The following PIK3R3 variants were observed in gnomAD, a reference collection of about 807,000 sequenced individuals.
The protein encoded by PIK3R3 is phosphoinositide-3-kinase regulatory subunit 3.
Under a neutral mutation model 62.9 loss-of-function variants are expected in PIK3R3, and 64 were observed. That is an observed-to-expected ratio of 1.02 (90% CI 0.83 to 1.25). The LOEUF (loss-of-function observed/expected upper bound fraction) is 1.25. Among genes scored for constraint, PIK3R3 ranks in the 50% most tolerant of loss-of-function variants. The pLI is 0.00. For missense variants in PIK3R3, 614 were observed against 561.6 expected, an observed-to-expected ratio of 1.09 and a Z score of -0.94; for synonymous variants, 165 against 189.0, an observed-to-expected ratio of 0.87 and a Z score of 1.04.
chr1:46,121,396 G>A (rs1654660971), intron 1 of PIK3R3, among the ~76,000 whole-genome samples: 1 of 152,118 alleles, frequency 6.6e-6, no homozygotes, highest in African/African-American at 2.4e-5. Flanking sequence ...AGAATCTAAA[G>A]CAATATATTT....
chr1:46,089,146 C>G (rs1453007031), intron 1 of PIK3R3, among the ~76,000 whole-genome samples: 1 of 152,114 alleles, frequency 6.6e-6, no homozygotes, highest in African/African-American at 2.4e-5. Flanking sequence ...AAGAAATAAA[C>G]TAGGAAACCA....
intron 1 of PIK3R3, among the ~76,000 whole-genome samples, chr1:46,086,426 C>T (rs976158772): frequency 2.0e-5 from 3 of 152,114 alleles, no homozygotes; most frequent in South Asian, 2.1e-4. Flanking sequence ...TGTGAATAGC[C>T]ACTGCACTCC....
intron 1 of PIK3R3, among the ~76,000 whole-genome samples, chr1:46,086,526 CCT>C (rs914769863): frequency 2.0e-5 from 3 of 152,042 alleles, no homozygotes; most frequent in African/African-American, 7.2e-5. Context: ...ACGGTGAAAC[CCT>C]GTCTCTACTA....
intron 1 of PIK3R3, among the ~76,000 whole-genome samples, chr1:46,116,202 C>A (rs1654173089): frequency 6.6e-6 from 1 of 151,956 alleles, no homozygotes; most frequent in South Asian, 2.1e-4. Flanking sequence ...ACAAAGCATC[C>A]CAGTTTTATC....
At chr1:46,106,272 T>G (rs913274667) in intron 1 of PIK3R3, among the ~76,000 whole-genome samples, 24 of 151,432 alleles carry the variant, frequency 1.6e-4, no homozygotes, top group Non-Finnish European at 2.9e-4. Flanking sequence ...CCAGCTAATT[T>G]TGTGTGTGTG....
intron 2 of PIK3R3, among the ~76,000 whole-genome samples, chr1:46,080,418 G>T (rs116669089): frequency 6.7e-6 from 1 of 148,868 alleles, no homozygotes; most frequent in Admixed American, 6.7e-5. Context: ...CTTTTTTTTT[G>T]AGAGTTGGGG....
the PIK3R3 span, among the ~76,000 whole-genome samples, chr1:46,162,831 T>C: frequency 6.6e-6 from 1 of 152,108 alleles, no homozygotes; most frequent in Non-Finnish European, 1.5e-5. Flanking sequence ...CCATGTTAGT[T>C]AAGCTGGTCT....
chr1:46,117,979 A>G (rs1363895678), intron 1 of PIK3R3, among the ~76,000 whole-genome samples: 1 of 149,858 alleles, frequency 6.7e-6, no homozygotes, highest in Non-Finnish European at 1.5e-5. Context: ...TCAGAAGGCT[A>G]AGGTGGGAGG....
At chr1:46,138,215 GC>G in the PIK3R3 span, among the ~76,000 whole-genome samples, 1 of 152,188 alleles carries the variant, frequency 6.6e-6, no homozygotes, top group Non-Finnish European at 1.5e-5. Context: ...TATTTCAATA[GC>G]TTTGAGCAAC....
intron 1 of PIK3R3, among the ~76,000 whole-genome samples, chr1:46,092,652 C>A (rs185367082): frequency 6.6e-6 from 1 of 152,176 alleles, no homozygotes; most frequent in Non-Finnish European, 1.5e-5. Flanking sequence ...AGTGAGCCAC[C>A]GCGCTTGGCC....
chr1:46,116,682 TTAAA>T (rs893249616), intron 1 of PIK3R3, among the ~76,000 whole-genome samples: 11 of 151,904 alleles, frequency 7.2e-5, no homozygotes, highest in African/African-American at 1.7e-4. Context: ...AAATTTTGTT[TTAAA>T]TAAATAAATA....
At chr1:46,115,984 A>G (rs1052006809) in intron 1 of PIK3R3, among the ~76,000 whole-genome samples, 2 of 152,206 alleles carry the variant, frequency 1.3e-5, no homozygotes, top group African/African-American at 2.4e-5. Flanking sequence ...TCAAGTTGTC[A>G]TGAGTTGGTA....
chr1:46,081,025 C>T (rs572566548), intron 1 of PIK3R3, among the ~76,000 whole-genome samples: 1 of 152,236 alleles, frequency 6.6e-6, no homozygotes, highest in African/African-American at 2.4e-5. Context: ...CATGCAACCC[C>T]TTTTCCAAAC....
chr1:46,053,172 C>G (rs1387657143), intron 7 of PIK3R3, among the ~76,000 whole-genome samples: 1 of 152,184 alleles, frequency 6.6e-6, no homozygotes, highest in African/African-American at 2.4e-5. Flanking sequence ...TGTCTCCCTA[C>G]ACTTCTGAGT....
rs1182248295 is a variant in PIK3R3 at position 46,041,772 on chromosome 1, G to A, written c.*1901C>T. 1.5e-5 allele frequency: 3 copies of A among 206,390 alleles called. No homozygotes were observed. Among genetic ancestry groups the A allele is most frequent in the Non-Finnish European group, 2.0e-5 (2 of 100,858 alleles). 12.8% of individuals were successfully genotyped at this position (206,390 alleles called of 1,614,324 possible). ...GGCTATTAGTTAAATGACTTTAGAGGGGGGTTCATTTGTCTCTGTCTCACC... is the reference window on the plus strand; with the variant it reads ...GGCTATTAGTTAAATGACTTTAGAGAGGGGTTCATTTGTCTCTGTCTCACC... On this transcript the variant is annotated 3_prime_UTR_variant, in exon 10 of 10. Transcript: ENST00000262741.
chr1:46,043,649 A>T lies in PIK3R3; in HGVS notation c.*24T>A. On this transcript the variant is annotated 3_prime_UTR_variant, in exon 10 of 10. Transcript: ENST00000262741. ...AAACTGTAGAAAAAAATGCCAGAGA[A>T]CCACCTCTCTTCCCACTTCCTCTTT... The T allele has an allele frequency of 6.2e-7, 1 of 1,604,284 alleles. No individual in the cohort carries two copies. The highest frequency in any genetic ancestry group is 8.5e-7 in the Non-Finnish European group (1 of 1,171,214).
intron 3 of PIK3R3, among the ~76,000 whole-genome samples, chr1:46,069,128 T>C (rs1649268888): frequency 6.6e-6 from 1 of 152,142 alleles, no homozygotes; most frequent in Non-Finnish European, 1.5e-5. Flanking sequence ...GATACAAATA[T>C]GACAGAGAGA....
intron 1 of PIK3R3, among the ~76,000 whole-genome samples, chr1:46,118,494 T>C (rs1654377731): frequency 6.6e-6 from 1 of 152,070 alleles, no homozygotes; most frequent in Non-Finnish European, 1.5e-5. Flanking sequence ...CCAAAGTTCT[T>C]ACAATGGCTT....
intron 1 of PIK3R3, among the ~76,000 whole-genome samples, chr1:46,126,341 C>T (rs1189557400): frequency 6.6e-6 from 1 of 150,900 alleles, no homozygotes; most frequent in East Asian, 2.0e-4. Flanking sequence ...AGTTCAAGAC[C>T]AGCCTGGCCA....
Sources: gnomAD v4.1 joint callset for allele counts (sites outside exome capture counted in the v4.1 genomes callset) on GRCh38, gnomAD v4.1.1 for gene constraint, MANE v1.5 for transcripts, NCBI Gene and HGNC (gene_info 2026-07-23, HGNC 2026-07-21) for gene names.